The following SYNJ1 variants were observed in gnomAD, a reference collection of about 807,000 sequenced individuals.
SYNJ1 encodes synaptojanin 1.
A neutral mutation model predicts 168.2 loss-of-function variants in SYNJ1; 78 were observed. The observed-to-expected ratio is 0.46, with a 90% CI of 0.39 to 0.56. The LOEUF (loss-of-function observed/expected upper bound fraction) is 0.56, where lower values mean the gene tolerates loss of function less well. SYNJ1 is among the 20% of genes least tolerant of loss of function. SYNJ1 has a pLI of 0.00. For synonymous variants in SYNJ1, 539 were observed against 548.6 expected (o/e 0.98, Z 0.24); for missense variants, 1,303 against 1,597.6 (o/e 0.82, Z 3.14).
rs371958110 is a variant in SYNJ1 at position 32,695,161 on chromosome 21, C to T, written c.601G>A (p.Ala201Thr). ...TIYAAHKQAK[A>T]CLISRLSCER... is the part of the protein sequence containing the mutation. ...CAGCTTAATCTTGAAATGAGGCAAG[C>T]CTTCGCCTGTTTATGAGCAGCATAA... is the stretch of plus-strand genomic sequence containing the variant. The change falls in exon 5 of 33, where the codon GCT (alanine) becomes ACT (threonine). Residue 201 changes from alanine (A) to threonine (T), a missense_variant. Physicochemically the swap from Ala to Thr is moderately conservative, Grantham distance 58. Transcript: ENST00000674351. 3.7e-6 allele frequency: 6 copies of T among 1,614,142 alleles called. No homozygotes were observed. The East Asian group carries it at 6.7e-5, about 18-fold the overall frequency.
rs372016074 is a variant in SYNJ1 at position 32,688,314 on chromosome 21, A to G, written c.843T>C (p.Ala281=). Residue 281 remains alanine, a synonymous_variant, in exon 7 of 33, where the codon GCT becomes GCC. Coordinates refer to ENST00000674351, the MANE Select transcript of SYNJ1 (RefSeq NM_203446.3). The part of the protein sequence containing the change: ...MSRGFEANAP[A]FDRHFRTLKN... ...TGTAAAAATTGTCTTACCTGTCAAA[A>G]GCAGGTGCATTGGCTTCAAATCCCC... is the stretch of plus-strand genomic sequence containing the variant. The G allele has an allele frequency of 2.2e-5, 36 of 1,613,446 alleles. No individual in the cohort carries two copies. Among genetic ancestry groups the G allele is most frequent in the East Asian group, 1.6e-4 (7 of 44,856 alleles).
chr21:32,642,066 G>GACC (rs773449211), intron 28 of SYNJ1, 29 bp downstream of exon 28: 1 of 1,613,968 alleles, frequency 6.2e-7, no homozygotes. Context: ...CAGTTTTAAG[G>GACC]GTGAATAGCT....
At chr21:32,670,179 C>T in intron 15 of SYNJ1, 109 bp downstream of exon 15, 1 of 831,682 alleles carries the variant, frequency 1.2e-6, no homozygotes, top group Non-Finnish European at 1.9e-6. Context: ...TTACGAGCAC[C>T]CTTCCATTTA....
intron 26 of SYNJ1, among the ~76,000 whole-genome samples, chr21:32,644,287 G>T (rs747217180): frequency 6.7e-6 from 1 of 150,276 alleles, no homozygotes; most frequent in Admixed American, 6.6e-5. Flanking sequence ...CTTATCACAC[G>T]CAGTCATTAA....
intron 2 of SYNJ1, among the ~76,000 whole-genome samples, chr21:32,708,151 T>G (rs1601498609): frequency 6.6e-6 from 1 of 151,534 alleles, no homozygotes; most frequent in Admixed American, 6.6e-5. Context: ...AGTAGTAAGG[T>G]GGGGGTGGGA....
intron 16 of SYNJ1, 77 bp downstream of exon 16, chr21:32,666,356 A>C: frequency 6.5e-7 from 1 of 1,543,820 alleles, no homozygotes; most frequent in South Asian, 1.3e-5. Flanking sequence ...GAAGAACTGA[A>C]ACAATAAACA....
chr21:32,720,204 A>T (rs1329176964), intron 2 of SYNJ1, among the ~76,000 whole-genome samples: 2 of 152,190 alleles, frequency 1.3e-5, no homozygotes, highest in African/African-American at 4.8e-5. Flanking sequence ...GCACCATTGC[A>T]CTCCAGCTTG....
rs1446557529 is a variant in SYNJ1, at chr21:32,700,071, A to C, written c.246T>G (p.Thr82=). 6.2e-7 allele frequency: 1 copy of C among 1,614,002 alleles called. No homozygotes were observed. Among genetic ancestry groups the C allele is most frequent in the Non-Finnish European group, 8.5e-7 (1 of 1,180,020 alleles). ...GAATTTTTCCAACAGACATACATCC[A>C]GTGACTAGGACCAGATAATGTAACA... ...DTMLHYLVLV[T]GCMSVGKIQE... Residue 82 remains threonine, a synonymous_variant, in exon 4 of 33, where the codon ACT becomes ACG. Coordinates refer to ENST00000674351, the MANE Select transcript of SYNJ1 (RefSeq NM_203446.3).
chr21:32,646,694 A>T, intron 23 of SYNJ1, 92 bp from the exon 24 acceptor site: 1 of 892,434 alleles, frequency 1.1e-6, no homozygotes, highest in Non-Finnish European at 1.8e-6. Context: ...AAAATACACA[A>T]AACAAATATG....
intron 2 of SYNJ1, among the ~76,000 whole-genome samples, chr21:32,722,414 T>C (rs1000335285): frequency 2.0e-5 from 3 of 151,216 alleles, no homozygotes; most frequent in African/African-American, 7.3e-5. Flanking sequence ...GCTGGGCATG[T>C]TGGTGTGCGC....
chr21:32,664,828 G>T, intron 18 of SYNJ1, 85 bp downstream of exon 18: 4 of 1,289,804 alleles, frequency 3.1e-6, no homozygotes, highest in South Asian at 3.4e-5. Context: ...AAGACCCCAA[G>T]AAAATTTTAA....
Position 32,658,870 on chromosome 21 carries a change from C to T in SYNJ1, c.2305-998G>A, listed in dbSNP as rs113215052. On this transcript the variant is annotated intron_variant, in intron 18 of 32. Transcript: ENST00000674351. ...GTCAGGGAAATATCCTGCTTCAATA[C>T]CACTTGTTTGACATTTGATTAAACT... 7.2e-5 allele frequency among the ~76,000 whole-genome samples: 11 copies of T among 152,346 alleles called. 1 individual carries two copies. Among genetic ancestry groups the T allele is most frequent in the African/African-American group, 2.6e-4 (11 of 41,584 alleles).
intron 10 of SYNJ1, among the ~76,000 whole-genome samples, chr21:32,681,940 C>G (rs1271728305): frequency 1.3e-5 from 2 of 151,774 alleles, no homozygotes; most frequent in Non-Finnish European, 2.9e-5. Flanking sequence ...CCTTGCCCAC[C>G]TAAAAGAATT....
chr21:32,727,692 AG>A (rs925121333), intron 1 of SYNJ1: 5 of 665,058 alleles, frequency 7.5e-6, no homozygotes, highest in Non-Finnish European at 9.3e-6. Context: ...CCCGGCGCCC[AG>A]GCGGATTCGG....
chr21:32,637,513 A>G (rs533895087), intron 31 of SYNJ1, among the ~76,000 whole-genome samples: 1 of 149,912 alleles, frequency 6.7e-6, no homozygotes, highest in Admixed American at 6.7e-5. Flanking sequence ...GGTTCAACCA[A>G]TTCTCCTGTC....
chr21:32,635,413 C>G (rs1231787803), intron 31 of SYNJ1, among the ~76,000 whole-genome samples: 1 of 152,178 alleles, frequency 6.6e-6, no homozygotes, highest in Non-Finnish European at 1.5e-5. Context: ...TGCAATGAGG[C>G]TGTGTGAACA....
intron 32 of SYNJ1, among the ~76,000 whole-genome samples, chr21:32,632,629 G>C (rs2039384504): frequency 6.6e-6 from 1 of 152,068 alleles, no homozygotes; most frequent in Non-Finnish European, 1.5e-5. Context: ...CAGGCAATCT[G>C]CCCACCTTAG....
chr21:32,676,975 A>G (rs931984033), intron 12 of SYNJ1, among the ~76,000 whole-genome samples: 1 of 152,240 alleles, frequency 6.6e-6, no homozygotes, highest in Non-Finnish European at 1.5e-5. Context: ...TACATGTTAA[A>G]TGGTTATGAA....
At chr21:32,653,489 G>C in intron 21 of SYNJ1, 123 bp from the exon 22 acceptor site, 1 of 740,350 alleles carries the variant, frequency 1.4e-6, no homozygotes, top group Non-Finnish European at 2.2e-6. Flanking sequence ...AAGTAAAGGA[G>C]GGAGCGCAGG....
Sources: allele counts gnomAD v4.1 joint callset (sites outside exome capture counted in the v4.1 genomes callset), GRCh38; gene constraint gnomAD v4.1.1; transcripts MANE v1.5; gene names NCBI Gene and HGNC (gene_info 2026-07-23, HGNC 2026-07-21).